SNTG1: variants seen among roughly 807,000 people sequenced by gnomAD.
SNTG1 encodes the protein syntrophin gamma 1, also known as gamma-1-syntrophin.
Under a neutral mutation model 74.7 loss-of-function variants are expected in SNTG1, and 39 were observed. That is an observed-to-expected ratio of 0.52 (90% CI 0.40 to 0.68). The LOEUF (loss-of-function observed/expected upper bound fraction) is 0.68, where lower values mean the gene tolerates loss of function less well. Among genes scored for constraint, SNTG1 ranks in the 30% least tolerant of loss-of-function variants. The pLI, the probability that SNTG1 is intolerant of heterozygous loss-of-function variation, is 0.00. For synonymous variants in SNTG1, 254 were observed against 217.1 expected, an observed-to-expected ratio of 1.17 and a Z score of -1.49; for missense variants, 685 against 609.5, an observed-to-expected ratio of 1.12 and a Z score of -1.30.
At chr8:50,081,206 AT>A (rs1018602724) in intron 1 of SNTG1, among the ~76,000 whole-genome samples, 1 of 152,016 alleles carries the variant, frequency 6.6e-6, no homozygotes, top group African/African-American at 2.4e-5. Flanking sequence ...TTTTGCCTTC[AT>A]TTTTAAGTTT....
intron 2 of SNTG1, among the ~76,000 whole-genome samples, chr8:50,220,395 G>A (rs751842797): frequency 6.6e-6 from 1 of 152,108 alleles, no homozygotes; most frequent in African/African-American, 2.4e-5. Context: ...CAGGGATTAT[G>A]AGAACAAAGA....
intron 9 of SNTG1, among the ~76,000 whole-genome samples, chr8:50,525,615 TC>T (rs2094213789): frequency 6.6e-6 from 1 of 151,988 alleles, no homozygotes; most frequent in Non-Finnish European, 1.5e-5. Context: ...CACTTTTTCT[TC>T]TGCTTGATAA....
intron 12 of SNTG1, among the ~76,000 whole-genome samples, chr8:50,554,002 A>G (rs2094441609): frequency 6.6e-6 from 1 of 152,148 alleles, no homozygotes; most frequent in South Asian, 2.1e-4. Flanking sequence ...AGTCTAATAT[A>G]CAAATGATCA....
At chr8:50,380,166 G>A (rs1483994589) in intron 2 of SNTG1, among the ~76,000 whole-genome samples, 1 of 152,174 alleles carries the variant, frequency 6.6e-6, no homozygotes, top group Non-Finnish European at 1.5e-5. Context: ...AACATAAAAA[G>A]GTTAAAGATG....
chr8:49,971,084 C>A (rs1034867333), intron 1 of SNTG1, among the ~76,000 whole-genome samples: 1 of 152,114 alleles, frequency 6.6e-6, no homozygotes, highest in African/African-American at 2.4e-5. Flanking sequence ...AATTTTAGAC[C>A]AATATCCCTG....
At position 50,558,952 on chromosome 8, in the gene SNTG1, AT is replaced by A. The variant is rs557368877; in HGVS notation, c.810+5780del. Among the ~76,000 whole-genome samples, 442 of 152,232 alleles carry A rather than the reference AT, an allele frequency of 2.9e-3. 2 individuals are homozygous for A. The highest frequency in any genetic ancestry group is 5.4e-3 in the Admixed American group (82 of 15,292). On this transcript the variant is annotated intron_variant, in intron 12 of 18. Coordinates refer to ENST00000642720, the MANE Select transcript of SNTG1 (RefSeq NM_018967.5). ...TATGATGTGTCAGATACTGTGTTCT[AT>A]TTTTTTGTTTGTTTTGTTTTCAACT... is the stretch of plus-strand genomic sequence containing the variant.
intron 1 of SNTG1, among the ~76,000 whole-genome samples, chr8:50,133,854 T>C (rs2081388937): frequency 6.6e-6 from 1 of 152,200 alleles, no homozygotes; most frequent in Non-Finnish European, 1.5e-5. Flanking sequence ...TGTGGTACTA[T>C]GGGTTAAAAC....
chr8:50,219,154 A>G (rs1215422621), intron 2 of SNTG1, among the ~76,000 whole-genome samples: 1 of 152,196 alleles, frequency 6.6e-6, no homozygotes, highest in Non-Finnish European at 1.5e-5. Context: ...GCTTTAATAA[A>G]GCATTTCCAA....
intron 2 of SNTG1, among the ~76,000 whole-genome samples, chr8:50,266,286 C>T (rs988529642): frequency 6.6e-6 from 1 of 152,028 alleles, no homozygotes; most frequent in East Asian, 1.9e-4. Flanking sequence ...ATAAGTCTCA[C>T]ATTTATGCCA....
intron 18 of SNTG1, among the ~76,000 whole-genome samples, chr8:50,776,138 A>G (rs975834059): frequency 6.6e-6 from 1 of 150,690 alleles, no homozygotes; most frequent in African/African-American, 2.4e-5. Flanking sequence ...ATATATTTGA[A>G]TTTTGTTCTC....
At chr8:49,972,227 C>A (rs1404256619) in intron 1 of SNTG1, among the ~76,000 whole-genome samples, 1 of 152,190 alleles carries the variant, frequency 6.6e-6, no homozygotes, top group Non-Finnish European at 1.5e-5. Flanking sequence ...CTACAACCAC[C>A]TGATCTTTGA....
At chr8:50,079,337 G>T (rs991884836) in intron 1 of SNTG1, among the ~76,000 whole-genome samples, 5 of 151,370 alleles carry the variant, frequency 3.3e-5, no homozygotes, top group Non-Finnish European at 7.4e-5. Flanking sequence ...TCAAATGTTT[G>T]TTGGCCACAT....
chr8:50,074,848 G>A (rs1413826673), intron 1 of SNTG1, among the ~76,000 whole-genome samples: 1 of 152,104 alleles, frequency 6.6e-6, no homozygotes, highest in African/African-American at 2.4e-5. Flanking sequence ...TGCTTGCGAG[G>A]GAGTGGGGAA....
At chr8:50,509,455 A>T (rs1291078487) in intron 9 of SNTG1, among the ~76,000 whole-genome samples, 5 of 151,850 alleles carry the variant, frequency 3.3e-5, no homozygotes, top group African/African-American at 1.2e-4. Context: ...CTGTGAAGAA[A>T]CTCATCGGTA....
At chr8:50,210,693 C>A (rs2084478995) in intron 2 of SNTG1, among the ~76,000 whole-genome samples, 1 of 152,148 alleles carries the variant, frequency 6.6e-6, no homozygotes, top group Non-Finnish European at 1.5e-5. Context: ...TAATGACAAT[C>A]CCCTCCTCAT....
intron 1 of SNTG1, among the ~76,000 whole-genome samples, chr8:49,972,012 C>A (rs572827288): frequency 2.0e-5 from 3 of 152,324 alleles, no homozygotes; most frequent in African/African-American, 7.2e-5. Context: ...TTGGAAAAAA[C>A]TACTTTCAAG....
chr8:50,123,932 G>A (rs146587542), intron 1 of SNTG1, among the ~76,000 whole-genome samples: 5 of 142,490 alleles, frequency 3.5e-5, no homozygotes, highest in Admixed American at 7.2e-5. Context: ...TAACAAAATT[G>A]AATATAAATA....
chr8:50,111,981 C>T (rs992629216), intron 1 of SNTG1, among the ~76,000 whole-genome samples: 1 of 151,990 alleles, frequency 6.6e-6, no homozygotes, highest in Non-Finnish European at 1.5e-5. Context: ...TGGCATAAAT[C>T]TGAAAAGGTG....
chr8:50,606,345 TC>T (rs1163780198), intron 13 of SNTG1, among the ~76,000 whole-genome samples: 4 of 152,112 alleles, frequency 2.6e-5, no homozygotes, highest in African/African-American at 4.8e-5. Flanking sequence ...TAGAAACCAT[TC>T]TAGTTTCCAG....
Sources: gnomAD v4.1 joint callset for allele counts (sites outside exome capture counted in the v4.1 genomes callset) on GRCh38, gnomAD v4.1.1 for gene constraint, MANE v1.5 for transcripts, NCBI Gene and HGNC (gene_info 2026-07-23, HGNC 2026-07-21) for gene names.